The following TAPT1 variants were observed in gnomAD, a reference collection of about 807,000 sequenced individuals.
TAPT1 encodes transmembrane anterior posterior transformation protein 1 homolog.
Under a neutral mutation model 65.6 loss-of-function variants are expected in TAPT1, and 28 were observed. The observed-to-expected ratio is 0.43, with a 90% CI of 0.32 to 0.59. The LOEUF (loss-of-function observed/expected upper bound fraction) is 0.59, where lower values mean the gene tolerates loss of function less well. TAPT1 is among the 20% of genes least tolerant of loss of function. TAPT1 has a pLI of 0.09. For missense variants in TAPT1, 563 were observed against 679.9 expected, an observed-to-expected ratio of 0.83 and a Z score of 1.91; for synonymous variants, 278 against 245.2, an observed-to-expected ratio of 1.13 and a Z score of -1.25.
intron 7 of TAPT1, among the ~76,000 whole-genome samples, chr4:16,184,978 T>G (rs1748916537): frequency 6.6e-6 from 1 of 152,136 alleles, no homozygotes. Context: ...AGAAGTCCAG[T>G]TTCTCTCTTT....
upstream of TAPT1, chr4:16,226,514 GCCCCCTCCCCGCCTCGC>G: frequency 1.0e-6 from 1 of 983,244 alleles, no homozygotes. Context: ...CCTCCGGCCG[GCCCCCTCCCCGCCTCGC>G]CCCGCCCCTC....
chr4:16,209,009 G>A (rs1363780816), intron 2 of TAPT1, among the ~76,000 whole-genome samples: 12 of 152,056 alleles, frequency 7.9e-5, no homozygotes, highest in African/African-American at 1.2e-4. Flanking sequence ...GACTACAGGC[G>A]TGCACTACCA....
chr4:16,204,808 A>G (rs1234429168), intron 2 of TAPT1, among the ~76,000 whole-genome samples: 1 of 152,226 alleles, frequency 6.6e-6, no homozygotes, highest in African/African-American at 2.4e-5. Flanking sequence ...CTGAAGCACT[A>G]TTTCTACTAA....
intron 2 of TAPT1, among the ~76,000 whole-genome samples, chr4:16,209,262 A>G (rs1477253064): frequency 6.6e-6 from 1 of 152,000 alleles, no homozygotes; most frequent in Non-Finnish European, 1.5e-5. Flanking sequence ...CCCCTTCTCT[A>G]AATTCTTCAT....
chr4:16,192,353 A>G (rs1235964423), intron 3 of TAPT1, among the ~76,000 whole-genome samples: 1 of 152,220 alleles, frequency 6.6e-6, no homozygotes, highest in African/African-American at 2.4e-5. Flanking sequence ...ATCATTAGGA[A>G]ACTAAACATC....
chr4:16,196,762 T>C (rs1749729784), intron 3 of TAPT1: 13 of 1,104,348 alleles, frequency 1.2e-5, no homozygotes, highest in Non-Finnish European at 1.6e-5. Flanking sequence ...AAGATTGTAA[T>C]GTTGCTACGC....
In TAPT1 at chr4:16,163,612, A is replaced by G. The variant is rs927359410; in HGVS notation, c.1475-75T>C. ...TTAATAAATACAAACTTACCAATAC[A>G]GTGGTGCTGAAAAAAGTGCCCATTA... On this transcript the variant is annotated intron_variant, in intron 13 of 13. Coordinates refer to ENST00000405303, the MANE Select transcript of TAPT1 (RefSeq NM_153365.3). 2.9e-5 allele frequency: 36 copies of G among 1,230,090 alleles called. 1 individual carries two copies. The highest frequency in any genetic ancestry group is 5.4e-4 in the Middle Eastern group (2 of 3,734). The allele number at this position is 1,230,090 out of a possible 1,614,324, so 76.2% of individuals were successfully genotyped here.
intron 1 of TAPT1, chr4:16,214,451 C>G (rs150449756): frequency 6.6e-6 from 1 of 152,206 alleles, no homozygotes. Flanking sequence ...ATAGTTATTA[C>G]GCGAAGTGCA....
At chr4:16,206,042 A>G (rs965094200) in intron 2 of TAPT1, among the ~76,000 whole-genome samples, 14 of 152,226 alleles carry the variant, frequency 9.2e-5, no homozygotes, top group African/African-American at 2.7e-4. Flanking sequence ...GGGGAACAGG[A>G]TATCAATAAG....
intron 2 of TAPT1, 112 bp downstream of exon 2, chr4:16,213,656 A>C: frequency 1.0e-6 from 1 of 967,150 alleles, no homozygotes; most frequent in Non-Finnish European, 1.4e-6. Context: ...CCCCAATAAC[A>C]TTATTTCAAT....
chr4:16,168,146 C>T (rs534595042), intron 12 of TAPT1, among the ~76,000 whole-genome samples: 1 of 151,458 alleles, frequency 6.6e-6, no homozygotes, highest in Admixed American at 6.6e-5. Flanking sequence ...AGCAGTCTTG[C>T]ATTGTCGCCC....
At chr4:16,205,793 T>C (rs1750308380) in intron 2 of TAPT1, among the ~76,000 whole-genome samples, 1 of 152,158 alleles carries the variant, frequency 6.6e-6, no homozygotes, top group Non-Finnish European at 1.5e-5. Flanking sequence ...GATATAATCA[T>C]TATGCAAGAG....
At chr4:16,219,219 G>C (rs1751110552) in intron 1 of TAPT1, among the ~76,000 whole-genome samples, 1 of 152,164 alleles carries the variant, frequency 6.6e-6, no homozygotes, top group Admixed American at 6.5e-5. Context: ...TCTATGGCTA[G>C]AGAGTGTGCT....
intron 3 of TAPT1, chr4:16,196,771 G>T: frequency 1.0e-6 from 1 of 980,980 alleles, no homozygotes; most frequent in Non-Finnish European, 1.4e-6. Flanking sequence ...ATGTTGCTAC[G>T]CTACTTAGAG....
intron 8 of TAPT1, chr4:16,176,812 G>A (rs1174380481): frequency 6.6e-6 from 1 of 152,258 alleles, no homozygotes; most frequent in African/African-American, 2.4e-5. Flanking sequence ...AAGCCTACGT[G>A]CTGACATGCT....
Position 16,182,349 on chromosome 4 carries a change from G to A in TAPT1, c.917-2692C>T, listed in dbSNP as rs115015887. ...CTCATCTTCAGAATAGTCAGGGTTC[G>A]GATTAGAACTGAACTCTTACATTGA... On this transcript the variant is annotated intron_variant, in intron 7 of 13. Transcript: ENST00000405303. 2.5e-3 allele frequency among the ~76,000 whole-genome samples: 381 copies of A among 152,178 alleles called. 1 individual carries two copies. Among genetic ancestry groups the A allele is most frequent in the African/African-American group, 8.6e-3 (358 of 41,528 alleles).
chr4:16,225,051 A>G (rs907244327), intron 1 of TAPT1, among the ~76,000 whole-genome samples: 1 of 152,260 alleles, frequency 6.6e-6, no homozygotes, highest in Non-Finnish European at 1.5e-5. Context: ...GATCCTGCCA[A>G]TGAAGAAAGT....
In TAPT1 at chr4:16,163,252, C is replaced by T; in HGVS notation, c.*56G>A. The T allele has an allele frequency of 7.9e-7, 1 of 1,263,102 alleles. No individual in the cohort carries two copies. The highest frequency in any genetic ancestry group is 1.2e-6 in the Non-Finnish European group (1 of 863,060). 78.2% of individuals were successfully genotyped at this position (1,263,102 alleles called of 1,614,324 possible). A position where few individuals can be genotyped will look rare whatever the true frequency, so the allele number is the denominator to read the frequency against. ...CATGTTTAGCATCTATTTGTCCTGG[C>T]AACACAGCACTTGTTGCCCCAGGAC... On this transcript the variant is annotated 3_prime_UTR_variant, in exon 14 of 14. Coordinates refer to ENST00000405303, the MANE Select transcript of TAPT1 (RefSeq NM_153365.3).
At chr4:16,169,228 C>G (rs1229205736) in intron 12 of TAPT1, among the ~76,000 whole-genome samples, 1 of 152,110 alleles carries the variant, frequency 6.6e-6, no homozygotes, top group Non-Finnish European at 1.5e-5. Flanking sequence ...CACAGGTGCC[C>G]TGAATTCTAA....
Sources: allele counts gnomAD v4.1 joint callset (sites outside exome capture counted in the v4.1 genomes callset), GRCh38; gene constraint gnomAD v4.1.1; transcripts MANE v1.5; gene names NCBI Gene and HGNC (gene_info 2026-07-23, HGNC 2026-07-21).